MAGED1: variants seen among roughly 807,000 people sequenced by gnomAD.
MAGED1 encodes MAGE family member D1, also known as melanoma-associated antigen D1.
In MAGED1, 3 loss-of-function variants were observed where a neutral mutation model predicts 54.1. That is an observed-to-expected ratio of 0.06 (90% CI 0.03 to 0.14). The LOEUF (loss-of-function observed/expected upper bound fraction) is 0.14. Among genes scored for constraint, MAGED1 ranks in the 10% least tolerant of loss-of-function variants. The pLI is 1.00. For synonymous variants in MAGED1, 217 were observed against 227.3 expected (o/e 0.95, Z 0.41); for missense variants, 485 against 623.4 (o/e 0.78, Z 2.36).
At chrX:51,840,005 G>A (rs1207068434) in intron 1 of MAGED1, among the ~76,000 whole-genome samples, 5 of 111,697 alleles carry the variant, frequency 4.5e-5, no homozygotes, top group Admixed American at 3.8e-4. Context: ...TAATACATTC[G>A]CTTTCAAAAT....
At chrX:51,823,104 A>G (rs1224569230) in intron 1 of MAGED1, among the ~76,000 whole-genome samples, 3 of 112,025 alleles carry the variant, frequency 2.7e-5, no homozygotes, top group Non-Finnish European at 5.6e-5. Flanking sequence ...AGAATATTTA[A>G]TATGCATTTG....
At chrX:51,819,399 C>T (rs1925544931) in intron 1 of MAGED1, among the ~76,000 whole-genome samples, 1 of 109,899 alleles carries the variant, frequency 9.1e-6, no homozygotes, top group Admixed American at 9.8e-5. Flanking sequence ...CCAAGAAAAT[C>T]TTCATTTAGG....
chrX:51,829,532 T>TA (rs200397498), intron 1 of MAGED1, among the ~76,000 whole-genome samples: 19 of 106,165 alleles, frequency 1.8e-4, no homozygotes, highest in South Asian at 1.2e-3. Context: ...CTTTAATTTT[T>TA]AAAAAAAAAA....
chrX:51,819,166 T>A (rs1370243927), intron 1 of MAGED1, among the ~76,000 whole-genome samples: 2 of 111,081 alleles, frequency 1.8e-5, no homozygotes, highest in Admixed American at 1.9e-4. Flanking sequence ...ACTTTTTTTT[T>A]AAGCTTCACC....
At chrX:51,848,767 C>T (rs1309184858) in intron 1 of MAGED1, among the ~76,000 whole-genome samples, 4 of 112,357 alleles carry the variant, frequency 3.6e-5, no homozygotes, top group African/African-American at 9.7e-5. Flanking sequence ...GGAGACAGGA[C>T]TTTCCTGAGA....
At chrX:51,812,177 A>AAAAT (rs782201300) in intron 1 of MAGED1, among the ~76,000 whole-genome samples, 137 of 109,638 alleles carry the variant, frequency 1.2e-3, no homozygotes, top group Non-Finnish European at 2.2e-3. Flanking sequence ...TATAATAATA[A>AAAAT]AAATAAATAA....
At chrX:51,867,716 A>G (rs1392589150) in intron 1 of MAGED1, among the ~76,000 whole-genome samples, 4 of 112,198 alleles carry the variant, frequency 3.6e-5, no homozygotes, top group African/African-American at 9.7e-5. Flanking sequence ...TAACCATCAC[A>G]CAAGCATACT....
upstream of MAGED1, among the ~76,000 whole-genome samples, chrX:51,889,860 T>C (rs1557363191): frequency 9.0e-6 from 1 of 111,431 alleles, no homozygotes; most frequent in Non-Finnish European, 1.9e-5. Flanking sequence ...GTAACTGCAG[T>C]GAAAGGGTTG....
chrX:51,878,406 T>C (rs1285593281), intron 1 of MAGED1, among the ~76,000 whole-genome samples: 1 of 111,712 alleles, frequency 9.0e-6, no homozygotes, highest in Non-Finnish European at 1.9e-5. Context: ...AAGCTTCAGA[T>C]CTTATTAACA....
chrX:51,840,030 G>T (rs1926395665), intron 1 of MAGED1, among the ~76,000 whole-genome samples: 1 of 111,946 alleles, frequency 8.9e-6, no homozygotes, highest in Non-Finnish European at 1.9e-5. Flanking sequence ...TTATCTTGCA[G>T]TGTTACAGTG....
At chrX:51,857,966 A>G (rs782350613) in intron 1 of MAGED1, 2 of 112,711 alleles carry the variant, frequency 1.8e-5, no homozygotes, top group Non-Finnish European at 3.7e-5. Flanking sequence ...CAGCATCAGA[A>G]AATACAGAGT....
At chrX:51,811,824 G>A (rs1386496848) in intron 1 of MAGED1, among the ~76,000 whole-genome samples, 2 of 111,548 alleles carry the variant, frequency 1.8e-5, no homozygotes, top group Non-Finnish European at 3.8e-5. Flanking sequence ...GTCTGAGAAC[G>A]TCAGATGTGA....
chrX:51,896,463 C>G lies in MAGED1; in HGVS notation c.808C>G (p.Leu270Val), dbSNP rs1557364248. The G allele has an allele frequency of 1.6e-5, 19 of 1,209,570 alleles. No individual in the cohort carries two copies. The highest frequency in any genetic ancestry group is 1.1e-6 in the Non-Finnish European group (1 of 894,719). Reference protein sequence around the residue: ...NSSGDQRRAPLAAGTWRSAPV... With the variant: ...NSSGDQRRAPVAAGTWRSAPV... Reference sequence around the variant, plus strand: ...CAGTGGGGATCAGAGGCGGGCCCCACTGGCTGCAGGGACCTGGAGGTCTGC... The same window carrying G: ...CAGTGGGGATCAGAGGCGGGCCCCAGTGGCTGCAGGGACCTGGAGGTCTGC... Residue 270 changes from leucine (L) to valine (V), a missense_variant, in exon 4 of 13, where the codon CTG becomes GTG. Physicochemically the swap from Leu to Val is conservative, Grantham distance 32 (BLOSUM62 1). Around this residue, in one of 2 missense-constraint regions of MAGED1, gnomAD observed 299 missense variants for 293.1 expected, o/e 1.02. Transcript: ENST00000326587.
chrX:51,866,563 T>C (rs1476980179), intron 1 of MAGED1, among the ~76,000 whole-genome samples: 2 of 112,043 alleles, frequency 1.8e-5, no homozygotes, highest in Non-Finnish European at 3.8e-5. Flanking sequence ...GTATTTAAGT[T>C]TATATGCAAG....
chrX:51,867,943 A>G (rs782758118), intron 1 of MAGED1, among the ~76,000 whole-genome samples: 1 of 112,540 alleles, frequency 8.9e-6, no homozygotes, highest in Middle Eastern at 4.7e-3. Flanking sequence ...TTTTGCTGTG[A>G]CACGAAAGGT....
chrX:51,844,806 C>A (rs1926625417), intron 1 of MAGED1, among the ~76,000 whole-genome samples: 1 of 111,530 alleles, frequency 9.0e-6, no homozygotes, highest in Non-Finnish European at 1.9e-5. Flanking sequence ...ACACAAGAGA[C>A]CCACAAGGCA....
chrX:51,812,399 G>A (rs781983026), intron 1 of MAGED1, among the ~76,000 whole-genome samples: 125 of 110,781 alleles, frequency 1.1e-3, no homozygotes, highest in Non-Finnish European at 1.7e-3. Context: ...GAAAGGAATA[G>A]TTTTATAAAT....
At position 51,895,041 on chromosome X, in the gene MAGED1, C is replaced by T. The variant is rs995880979; in HGVS notation, c.46-12C>T. 1 of 1,180,587 alleles carries T rather than the reference C, an allele frequency of 8.5e-7. No individual in the cohort carries two copies. The highest frequency in any genetic ancestry group is 1.1e-6 in the Non-Finnish European group (1 of 875,547). On this transcript the variant is annotated splice_polypyrimidine_tract_variant and intron_variant, in intron 2 of 12. Transcript: ENST00000326587. ...GCCCAGAGATTTAATTTTTTCCCCC[C>T]TGTGTTTGCAGGCTGAGGCCTCCGT... is the stretch of plus-strand genomic sequence containing the variant.
intron 1 of MAGED1, among the ~76,000 whole-genome samples, chrX:51,876,716 A>T (rs900864913): frequency 9.0e-6 from 1 of 111,190 alleles, no homozygotes; most frequent in African/African-American, 3.3e-5. Flanking sequence ...TTGTGTTCAG[A>T]TCTCCTGGGA....
Sources: gnomAD v4.1 joint callset for allele counts (sites outside exome capture counted in the v4.1 genomes callset) on GRCh38, gnomAD v4.1.1 for gene constraint, gnomAD v4.1.1 regional missense constraint, MANE v1.5 for transcripts, NCBI Gene and HGNC (gene_info 2026-07-23, HGNC 2026-07-21) for gene names.